The following KIAA0319L variants were observed in gnomAD, a reference collection of about 807,000 sequenced individuals.
KIAA0319L encodes the protein dyslexia-associated protein KIAA0319-like protein.
In KIAA0319L, 55 loss-of-function variants were observed where a neutral mutation model predicts 120.1. That is an observed-to-expected ratio of 0.46 (90% confidence interval 0.37 to 0.57). The LOEUF (loss-of-function observed/expected upper bound fraction) is 0.57. KIAA0319L is among the 20% of genes least tolerant of loss of function. The pLI is 0.00. For missense variants in KIAA0319L, 1,049 were observed against 1,255.3 expected (o/e 0.84, Z 2.48); for synonymous variants, 398 against 471.9 (o/e 0.84, Z 2.03).
intron 2 of KIAA0319L, among the ~76,000 whole-genome samples, chr1:35,518,977 CAAAA>C (rs766877681): frequency 5.0e-5 from 3 of 59,760 alleles, no homozygotes; most frequent in Non-Finnish European, 3.6e-5. Context: ...GACTCTGTCT[CAAAA>C]AAAAAAAAAA....
chr1:35,481,403 C>T (rs912374342), intron 3 of KIAA0319L, among the ~76,000 whole-genome samples: 6 of 152,200 alleles, frequency 3.9e-5, no homozygotes, highest in African/African-American at 9.6e-5. Flanking sequence ...CTACCAGCAA[C>T]ATACGAGAGT....
intron 2 of KIAA0319L, among the ~76,000 whole-genome samples, chr1:35,526,390 TA>T (rs1171354060): frequency 2.5e-5 from 2 of 79,122 alleles, no homozygotes; most frequent in Non-Finnish European, 3.9e-5. Flanking sequence ...TATACATACA[TA>T]TATATATATA....
intron 6 of KIAA0319L, among the ~76,000 whole-genome samples, chr1:35,467,564 T>C (rs928336721): frequency 1.3e-5 from 2 of 152,222 alleles, no homozygotes; most frequent in Admixed American, 1.3e-4. Flanking sequence ...AAGATCTCTA[T>C]CTTCAAGGAG....
At chr1:35,450,639 T>C in intron 13 of KIAA0319L, 130 bp from the exon 14 acceptor site, 1 of 805,460 alleles carries the variant, frequency 1.2e-6, no homozygotes, top group Non-Finnish European at 2.0e-6. Context: ...TGCCTGTCCC[T>C]GCCACCAACC....
At chr1:35,526,335 G>T in intron 2 of KIAA0319L, among the ~76,000 whole-genome samples, 1 of 139,042 alleles carries the variant, frequency 7.2e-6, no homozygotes, top group East Asian at 2.0e-4. Context: ...GTGTGTATAT[G>T]TATATATGTA....
rs1642215847 is a variant in KIAA0319L at position 35,453,570 on chromosome 1, A to G, written c.1900T>C (p.Trp634Arg). 1 of 1,613,848 alleles carries G rather than the reference A, an allele frequency of 6.2e-7. No homozygotes were observed. The highest frequency in any genetic ancestry group is 8.5e-7 in the Non-Finnish European group (1 of 1,179,938). ...SDDQKIISYL[W>R]EKTQGPDGVQ... ...GTCAATACTCACTGTGTTTTTTCCC[A>G]GAGATATGAGATAATTTTCTGATCA... Residue 634 changes from tryptophan to arginine, a missense_variant, in exon 12 of 21, where the codon TGG (tryptophan) becomes CGG (arginine). Trp to Arg is a moderately radical substitution (Grantham distance 101). Transcript: ENST00000325722. This position sits in a 1 kb window ranked among gnomAD's most constrained non-coding sequence, Gnocchi z 4.1.
intron 2 of KIAA0319L, among the ~76,000 whole-genome samples, chr1:35,551,146 C>T (rs1036616208): frequency 1.3e-5 from 2 of 152,154 alleles, no homozygotes; most frequent in African/African-American, 4.8e-5. Flanking sequence ...TGAGGACAAC[C>T]ACATCACCCC....
chr1:35,458,153 G>A (rs1041302839), intron 9 of KIAA0319L, among the ~76,000 whole-genome samples: 2 of 152,074 alleles, frequency 1.3e-5, no homozygotes, highest in African/African-American at 4.8e-5. Context: ...AGCCAGGCTG[G>A]TCTCGATCTC....
chr1:35,513,181 T>C (rs1397324846), intron 2 of KIAA0319L, among the ~76,000 whole-genome samples: 4 of 149,446 alleles, frequency 2.7e-5, no homozygotes, highest in African/African-American at 9.8e-5. Context: ...TATTTACTAC[T>C]GAGTAGAGCT....
At position 35,450,387 on chromosome 1, in the gene KIAA0319L, T is replaced by C. The variant is rs1641970106; in HGVS notation, c.2185A>G (p.Thr729Ala). 4 of 1,613,884 alleles carry C rather than the reference T, an allele frequency of 2.5e-6. No homozygotes were observed. The highest frequency in any genetic ancestry group is 3.3e-5 in the Admixed American group (2 of 59,996). The change falls in exon 14 of 21, where the codon ACT becomes GCT. Residue 729 changes from threonine (T) to alanine (A), a missense_variant. Physicochemically the swap from Thr to Ala is moderately conservative, Grantham distance 58 (BLOSUM62 0). Transcript: ENST00000325722. ...DDKGIVSYLW[T>A]RDEGSPAAGE... is the part of the protein sequence containing the mutation. ...GCTGCTGGGCTCCCCTCATCTCGAG[T>C]CCAGAGGTAGCTGACTATTCCCTTG...
At chr1:35,451,305 A>T (rs1642045260) in intron 13 of KIAA0319L, among the ~76,000 whole-genome samples, 1 of 152,188 alleles carries the variant, frequency 6.6e-6, no homozygotes, top group Non-Finnish European at 1.5e-5. Context: ...GGGGCAAAAT[A>T]AAAATGCAAA....
At chr1:35,466,256 C>T in intron 7 of KIAA0319L, among the ~76,000 whole-genome samples, 1 of 152,154 alleles carries the variant, frequency 6.6e-6, no homozygotes, top group East Asian at 1.9e-4. Flanking sequence ...GGTCACTTGG[C>T]TGGTTCTCCT....
At chr1:35,456,944 G>T (rs1642511978) in intron 9 of KIAA0319L, among the ~76,000 whole-genome samples, 1 of 151,276 alleles carries the variant, frequency 6.6e-6, no homozygotes, top group Non-Finnish European at 1.5e-5. Flanking sequence ...AGGAAGGAAG[G>T]AAGGAAGGAA....
intron 3 of KIAA0319L, among the ~76,000 whole-genome samples, chr1:35,501,407 A>G (rs1570848483): frequency 1.3e-5 from 2 of 151,838 alleles, no homozygotes; most frequent in South Asian, 4.2e-4. Context: ...TTATTCTTCT[A>G]CCTCCCTGTG....
At chr1:35,550,620 T>C (rs2148514407) in intron 2 of KIAA0319L, among the ~76,000 whole-genome samples, 1 of 152,350 alleles carries the variant, frequency 6.6e-6, no homozygotes, top group East Asian at 1.9e-4. Context: ...TTCTATTACA[T>C]AATTTTTTCT....
At chr1:35,519,061 T>C (rs914285278) in intron 2 of KIAA0319L, among the ~76,000 whole-genome samples, 1 of 152,034 alleles carries the variant, frequency 6.6e-6, no homozygotes, top group African/African-American at 2.4e-5. Flanking sequence ...GTTATGGGGC[T>C]ATTTCTTACT....
In KIAA0319L at chr1:35,453,280, C is replaced by T. The variant is rs1353965748; in HGVS notation, c.1913+277G>A. Among the ~76,000 whole-genome samples the T allele has an allele frequency of 6.6e-6, 1 of 152,190 alleles. No homozygotes were observed. Among genetic ancestry groups the T allele is most frequent in the Non-Finnish European group, 1.5e-5 (1 of 68,034 alleles). ...ATCCTGCCTCTCAAGTGTAATTAAA[C>T]TCTGCATTTCAGCAGATGGATTGTA... is the stretch of plus-strand genomic sequence containing the variant. On this transcript the variant is annotated intron_variant, in intron 12 of 20. Coordinates refer to ENST00000325722, the MANE Select transcript of KIAA0319L (RefSeq NM_024874.5). This position sits in a 1 kb window ranked among gnomAD's most constrained non-coding sequence, Gnocchi z 4.1.
chr1:35,454,617 T>C (rs1642310092), intron 10 of KIAA0319L, 132 bp from the exon 11 acceptor site: 6 of 1,446,174 alleles, frequency 4.1e-6, no homozygotes, highest in Admixed American at 2.5e-5. Context: ...TACGTACCAG[T>C]TCAGCATGTG....
intron 4 of KIAA0319L, among the ~76,000 whole-genome samples, chr1:35,477,666 CA>C (rs34588440): frequency 0.15 from 8,079 of 55,626 alleles, 437 homozygotes; most frequent in African/African-American, 0.32. Context: ...GACTCTGTCT[CA>C]AAAAAAAAAA....
Sources: gnomAD v4.1 joint callset for allele counts (sites outside exome capture counted in the v4.1 genomes callset) on GRCh38, gnomAD v4.1.1 for gene constraint, Gnocchi (gnomAD v3.1) non-coding constraint, MANE v1.5 for transcripts, NCBI Gene and HGNC (gene_info 2026-07-23, HGNC 2026-07-21) for gene names.